The following ZFR variants were observed in gnomAD, a reference collection of about 807,000 sequenced individuals.
ZFR encodes the protein zinc finger RNA binding protein.
Under a neutral mutation model 130.7 loss-of-function variants are expected in ZFR, and 19 were observed. The observed-to-expected ratio is 0.15, with a 90% confidence interval of 0.10 to 0.21. The LOEUF (loss-of-function observed/expected upper bound fraction) is 0.21, where lower values mean the gene tolerates loss of function less well. ZFR is among the 10% of genes least tolerant of loss of function. The pLI, the probability that ZFR is intolerant of heterozygous loss-of-function variation, is 1.00. For missense variants in ZFR, 872 were observed against 1,321.5 expected (o/e 0.66, Z 5.27); for synonymous variants, 466 against 456.9 (o/e 1.02, Z -0.25).
intron 2 of ZFR, among the ~76,000 whole-genome samples, chr5:32,421,733 A>C (rs1200196858): frequency 6.6e-6 from 1 of 152,154 alleles, no homozygotes; most frequent in Admixed American, 6.5e-5. Flanking sequence ...AAAAAACAAA[A>C]AAAACTTAGA....
At chr5:32,439,833 CAAAG>C (rs1754422000) in intron 2 of ZFR, among the ~76,000 whole-genome samples, 1 of 128,536 alleles carries the variant, frequency 7.8e-6, no homozygotes, top group Non-Finnish European at 1.6e-5. Context: ...AAAAAAGCCT[CAAAG>C]AAATGGTTAT....
chr5:32,427,748 A>G (rs1199251632), intron 2 of ZFR, among the ~76,000 whole-genome samples: 1 of 152,228 alleles, frequency 6.6e-6, no homozygotes, highest in East Asian at 1.9e-4. Flanking sequence ...ATGATAATCA[A>G]AACAGTATAG....
At chr5:32,369,650 T>TAA (rs113408258) in intron 17 of ZFR, among the ~76,000 whole-genome samples, 2 of 146,504 alleles carry the variant, frequency 1.4e-5, no homozygotes, top group Admixed American at 6.8e-5. Flanking sequence ...TACAAAAAAT[T>TAA]AAAAAAAAAA....
At chr5:32,396,268 A>G (rs1159196646) in intron 10 of ZFR, among the ~76,000 whole-genome samples, 2 of 151,756 alleles carry the variant, frequency 1.3e-5, no homozygotes, top group East Asian at 3.9e-4. Context: ...CCTGACCTCC[A>G]TGTTGTTCAA....
intron 2 of ZFR, among the ~76,000 whole-genome samples, chr5:32,431,364 A>C (rs971700677): frequency 6.6e-6 from 1 of 152,232 alleles, no homozygotes; most frequent in Admixed American, 6.5e-5. Flanking sequence ...GGTTAGGGGA[A>C]TAAAACTAAT....
chr5:32,402,983 A>T, intron 8 of ZFR, 123 bp downstream of exon 8: 3 of 940,094 alleles, frequency 3.2e-6, no homozygotes, highest in Non-Finnish European at 4.8e-6. Flanking sequence ...TATGTGAAGA[A>T]ACAAGGTCCC....
chr5:32,356,709 G>A (rs944718103), intron 19 of ZFR, among the ~76,000 whole-genome samples: 2 of 152,096 alleles, frequency 1.3e-5, no homozygotes, highest in Non-Finnish European at 2.9e-5. Flanking sequence ...GTGAGCCACT[G>A]CGCCCGGCCT....
chr5:32,407,828 T>C (rs1184177082), intron 5 of ZFR, among the ~76,000 whole-genome samples: 1 of 152,210 alleles, frequency 6.6e-6, no homozygotes. Context: ...ATATAATATA[T>C]ACATGTTGCT....
At chr5:32,398,599 G>A (rs1160017169) in intron 9 of ZFR, among the ~76,000 whole-genome samples, 1 of 152,178 alleles carries the variant, frequency 6.6e-6, no homozygotes, top group South Asian at 2.1e-4. Context: ...TTAAAAGTCA[G>A]AATTATTTCT....
chr5:32,442,425 C>T (rs1057030828), intron 2 of ZFR, among the ~76,000 whole-genome samples: 1 of 152,144 alleles, frequency 6.6e-6, no homozygotes, highest in Non-Finnish European at 1.5e-5. Context: ...CCCCAAAAAG[C>T]TGTTGAATTT....
At position 32,359,579 on chromosome 5, in the gene ZFR, A is replaced by G. The variant is rs368000210; in HGVS notation, c.3046-3640T>C. On this transcript the variant is annotated intron_variant, in intron 19 of 19. Coordinates refer to ENST00000265069, the MANE Select transcript of ZFR (RefSeq NM_016107.5). ...CTCCCTAACAGCAGCCAATGCCAAA[A>G]GATTCCTTCCTTAGAACACAAAAAA... 3.9e-5 allele frequency among the ~76,000 whole-genome samples: 6 copies of G among 152,322 alleles called. No individual in the cohort carries two copies. The East Asian group carries it at 1.2e-3, about 29-fold the overall frequency.
intron 8 of ZFR, among the ~76,000 whole-genome samples, chr5:32,400,827 C>T (rs574724908): frequency 6.6e-6 from 1 of 152,210 alleles, no homozygotes; most frequent in African/African-American, 2.4e-5. Context: ...GCACTCCAGG[C>T]CTGGTCAGAC....
intron 12 of ZFR, among the ~76,000 whole-genome samples, chr5:32,389,587 C>G (rs1753116926): frequency 6.6e-6 from 1 of 152,072 alleles, no homozygotes; most frequent in African/African-American, 2.4e-5. Context: ...GAAGCTGAGG[C>G]TTCGGTGAGC....
At position 32,395,169 on chromosome 5, in the gene ZFR, T is replaced by C. The variant is rs1398207899; in HGVS notation, c.1969A>G (p.Met657Val). ...AGTTAAAGATATTACCTCATTTCCATTCTCCAACGCTCCTCTTCTTCTCGT... is the reference window on the plus strand; with the variant it reads ...AGTTAAAGATATTACCTCATTTCCACTCTCCAACGCTCCTCTTCTTCTCGT... ...RRREEEERWR[M>V]EMRRYEEDMY... The change falls in exon 11 of 20, where the codon ATG (methionine) becomes GTG (valine). Residue 657 changes from methionine to valine, a missense_variant. Physicochemically the swap from Met to Val is conservative, Grantham distance 21. Around this residue, in one of 7 missense-constraint regions of ZFR, gnomAD observed 225 missense variants for 282.4 expected, o/e 0.80. Coordinates refer to ENST00000265069, the MANE Select transcript of ZFR (RefSeq NM_016107.5). The C allele has an allele frequency of 1.3e-6, 2 of 1,594,676 alleles. No individual in the cohort carries two copies. Among genetic ancestry groups the C allele is most frequent in the South Asian group, 2.3e-5 (2 of 87,508 alleles).
chr5:32,444,245 C>G lies in ZFR; in HGVS notation c.121G>C (p.Ala41Pro), dbSNP rs2111888548. 6.4e-7 allele frequency: 1 copy of G among 1,553,194 alleles called. No homozygotes were observed. The highest frequency in any genetic ancestry group is 8.7e-7 in the Non-Finnish European group (1 of 1,150,056). Residue 41 changes from alanine to proline, a missense_variant, in exon 2 of 20, where the codon GCT becomes CCT. This residue lies in a region of ZFR where 240 missense variants were observed against 441.2 expected (regional missense o/e 0.54). Transcript: ENST00000265069. ...TGCCGTTACCTATATTGGGCCGCAG[C>G]CGCCGCCGCCGCCGCCCCGCTGTGG... ...FTHSGAAAAA[A>P]AAQYSQQPAS...
intron 8 of ZFR, among the ~76,000 whole-genome samples, chr5:32,400,630 CTTGAGCCCAGGAGT>C (rs1348653729): frequency 6.6e-6 from 1 of 152,200 alleles, no homozygotes; most frequent in African/African-American, 2.4e-5. Context: ...GGGAGGATCA[CTTGAGCCCAGGAGT>C]TTGAGCCTAG....
At chr5:32,356,179 TAACA>T (rs1392169343) in intron 19 of ZFR, among the ~76,000 whole-genome samples, 4 of 152,076 alleles carry the variant, frequency 2.6e-5, no homozygotes, top group Non-Finnish European at 4.4e-5. Context: ...CAAAAAACTT[TAACA>T]CACACACAAA....
chr5:32,396,478 C>T (rs1753315159), intron 10 of ZFR, among the ~76,000 whole-genome samples: 1 of 151,852 alleles, frequency 6.6e-6, no homozygotes, highest in Non-Finnish European at 1.5e-5. Context: ...CGGTGGCTCA[C>T]GCATGTAATC....
intron 2 of ZFR, among the ~76,000 whole-genome samples, chr5:32,430,760 T>C (rs1433372170): frequency 6.6e-6 from 1 of 152,052 alleles, no homozygotes; most frequent in African/African-American, 2.4e-5. Context: ...CAAAGATATT[T>C]TAAGATGAAG....
Sources: gnomAD v4.1 joint callset for allele counts (sites outside exome capture counted in the v4.1 genomes callset) on GRCh38, gnomAD v4.1.1 for gene constraint, gnomAD v4.1.1 regional missense constraint, MANE v1.5 for transcripts, NCBI Gene and HGNC (gene_info 2026-07-23, HGNC 2026-07-21) for gene names.